Variants in ZNF541 observed in about 807,000 individuals in gnomAD.
The protein encoded by ZNF541 is zinc finger protein 541.
ZNF541 carries 23 observed loss-of-function variants against 123.5 expected under a neutral mutation model. That is an observed-to-expected ratio of 0.19 (90% CI 0.13 to 0.26). ZNF541 has a LOEUF of 0.26. Among genes scored for constraint, ZNF541 ranks in the 10% least tolerant of loss-of-function variants. The probability of loss-of-function intolerance (pLI) is 1.00; values close to 1 mark genes in which losing one functional copy is unlikely to be tolerated. For synonymous variants in ZNF541, 751 were observed against 754.5 expected (o/e 1.00, Z 0.08); for missense variants, 1,612 against 1,789.9 (o/e 0.90, Z 1.79).
rs530155102 is a variant in ZNF541 at position 47,553,405 on chromosome 19, A to G, written c.307+2145T>C. Among the ~76,000 whole-genome samples, 3 of 138,106 alleles carry G rather than the reference A, an allele frequency of 2.2e-5. No homozygotes were observed. The East Asian group carries it at 6.4e-4, about 29-fold the overall frequency. 90.6% of individuals were successfully genotyped at this position (138,106 alleles called of 152,430 possible). A position where few individuals can be genotyped will look rare whatever the true frequency, so the allele number is the denominator to read the frequency against. ...AGGCACCCACCACCATGCCAGGCTA[A>G]TTCTTTTTTTTTTTTTTTTTTTGAG... On this transcript the variant is annotated intron_variant, in intron 3 of 16. Coordinates refer to ENST00000391901, the MANE Select transcript of ZNF541 (RefSeq NM_001277075.3).
Position 47,545,910 on chromosome 19 carries a change from A to T in ZNF541, c.619T>A (p.Tyr207Asn), listed in dbSNP as rs1568503694. The change falls in exon 5 of 17, where the codon TAC (tyrosine) becomes AAC (asparagine). Residue 207 changes from tyrosine (Y) to asparagine (N), a missense_variant. By Grantham distance (143) the Tyr-to-Asn change is moderately radical. This residue lies in a region of ZNF541 where 212 missense variants were observed against 289.6 expected (regional missense o/e 0.73). Coordinates refer to ENST00000391901, the MANE Select transcript of ZNF541 (RefSeq NM_001277075.3). This position sits in a 1 kb window ranked among gnomAD's most constrained non-coding sequence, Gnocchi z 7.5. ...CGGCGCAGAGAGCGGTAGTCGCAGTAGCTCTTGCTGCAGCCCTGCTCGATG... is the reference window on the plus strand; with the variant it reads ...CGGCGCAGAGAGCGGTAGTCGCAGTTGCTCTTGCTGCAGCCCTGCTCGATG... ...VCIEQGCSKS[Y>N]CDYRSLRRHY... 1.9e-6 allele frequency: 3 copies of T among 1,544,048 alleles called. No homozygotes were observed. The highest frequency in any genetic ancestry group is 1.7e-4 in the Middle Eastern group (1 of 5,968).
intron 2 of ZNF541, among the ~76,000 whole-genome samples, chr19:47,564,541 T>C (rs1428685209): frequency 1.6e-4 from 24 of 152,194 alleles, no homozygotes; most frequent in Admixed American, 1.6e-3. Context: ...TTTTATCATT[T>C]TGTGTTTTCA....
chr19:47,531,162 A>G (rs1471727675), intron 12 of ZNF541, among the ~76,000 whole-genome samples: 1 of 137,778 alleles, frequency 7.3e-6, no homozygotes, highest in African/African-American at 2.5e-5. Flanking sequence ...AACACAGGCA[A>G]TGTGGCTCTT....
Position 47,565,715 on chromosome 19 carries a change from G to A in ZNF541, c.-99+6181C>T, listed in dbSNP as rs376457618. On this transcript the variant is annotated intron_variant, in intron 2 of 16. Coordinates refer to ENST00000391901, the MANE Select transcript of ZNF541 (RefSeq NM_001277075.3). ...CTCATTAAATTAAATCGGTTTGGTT[G>A]CTTTGTTTATATTTAATTTGCAAAT... is the stretch of plus-strand genomic sequence containing the variant. 2.3e-4 allele frequency among the ~76,000 whole-genome samples: 35 copies of A among 152,248 alleles called. No homozygotes were observed. In the East Asian group the frequency reaches 5.6e-3, roughly 24 times the overall value.
At position 47,555,965 on chromosome 19, in the gene ZNF541, A is replaced by G; in HGVS notation, c.-98-11T>C. The G allele has an allele frequency of 8.6e-7, 1 of 1,166,778 alleles. No homozygotes were observed. Among genetic ancestry groups the G allele is most frequent in the South Asian group, 1.6e-5 (1 of 61,316 alleles). The allele number at this position is 1,166,778 out of a possible 1,614,324, so 72.3% of individuals were successfully genotyped here. ...GATGGCAACTAATTCCTGAAAATGA[A>G]GCAAGAAGAATGAAAGTTATTAGGT... On this transcript the variant is annotated splice_polypyrimidine_tract_variant and intron_variant, in intron 2 of 16. Transcript: ENST00000391901.
rs930732096 is a variant in ZNF541, at chr19:47,544,796, G to C, written c.1733C>G (p.Ser578Cys). The C allele has an allele frequency of 3.3e-5, 50 of 1,527,662 alleles. No individual in the cohort carries two copies. The highest frequency in any genetic ancestry group is 4.4e-5 in the Non-Finnish European group (50 of 1,141,550). 94.6% of individuals were successfully genotyped at this position (1,527,662 alleles called of 1,614,324 possible). Residue 578 changes from serine to cysteine, a missense_variant, in exon 5 of 17, where the codon TCC becomes TGC. This residue lies in a region of ZNF541 where 1,080 missense variants were observed against 1,013.8 expected (regional missense o/e 1.07). Coordinates refer to ENST00000391901, the MANE Select transcript of ZNF541 (RefSeq NM_001277075.3). Reference protein sequence around the residue: ...FSHAQVAAVSSQLPAPEGKPA... With the variant: ...FSHAQVAAVSCQLPAPEGKPA... ...TTTGCCCTCGGGCGCAGGGAGCTGGGAGGAGACTGCTGCCACCTGGGCATG... is the reference window on the plus strand; with the variant it reads ...TTTGCCCTCGGGCGCAGGGAGCTGGCAGGAGACTGCTGCCACCTGGGCATG...
intron 2 of ZNF541, among the ~76,000 whole-genome samples, chr19:47,559,478 C>T (rs1970973704): frequency 6.6e-6 from 1 of 152,068 alleles, no homozygotes; most frequent in African/African-American, 2.4e-5. Flanking sequence ...CATAGAAACA[C>T]CAAAAACAAA....
In ZNF541 at chr19:47,533,783, G is replaced by A. The variant is rs111433775; in HGVS notation, c.3095-811C>T. 8.5e-5 allele frequency among the ~76,000 whole-genome samples: 13 copies of A among 152,260 alleles called. 1 individual carries two copies. Among genetic ancestry groups the A allele is most frequent in the African/African-American group, 2.4e-4 (10 of 41,560 alleles). ...TTGAACCTGGGAGGCAGAGTGAGCC[G>A]AGACTGTGCCACTGTGCTCCAGCCT... is the stretch of plus-strand genomic sequence containing the variant. On this transcript the variant is annotated intron_variant, in intron 9 of 16. Transcript: ENST00000391901.
Position 47,539,898 on chromosome 19 carries a change from G to C in ZNF541, c.2623-20C>G, listed in dbSNP as rs1483602865. 10 of 1,520,592 alleles carry C rather than the reference G, an allele frequency of 6.6e-6. No individual in the cohort carries two copies. The highest frequency in any genetic ancestry group is 1.7e-4 in the Middle Eastern group (1 of 5,922). 94.2% of individuals were successfully genotyped at this position (1,520,592 alleles called of 1,614,324 possible). The stretch of plus-strand genomic sequence containing the variant: ...AAACACCTAAACACAGAAGAGAAGA[G>C]ATGGCTCTTTAAGAGATAAGGTAGG... On this transcript the variant is annotated intron_variant, in intron 7 of 16. Transcript: ENST00000391901.
intron 2 of ZNF541, among the ~76,000 whole-genome samples, chr19:47,560,313 T>C (rs1455332210): frequency 1.3e-5 from 2 of 152,086 alleles, no homozygotes; most frequent in Admixed American, 6.6e-5. Flanking sequence ...TGGTGGCTCA[T>C]GCTTGTTATG....
chr19:47,549,541 C>T (rs1970510360), intron 3 of ZNF541, 56 bp from the exon 4 acceptor site: 1 of 1,545,176 alleles, frequency 6.5e-7, no homozygotes, highest in Admixed American at 2.0e-5. Flanking sequence ...AAGCGAAAAG[C>T]ACGACTAAGG....
chr19:47,525,193 G>A lies in ZNF541; in HGVS notation c.3571-3199C>T, dbSNP rs541507189. 8.6e-5 allele frequency among the ~76,000 whole-genome samples: 13 copies of A among 151,906 alleles called. 1 individual carries two copies. In the South Asian group the frequency reaches 1.0e-3, roughly 12 times the overall value. ...CCAGCTACTCGGGAGGCTGAGGTAC[G>A]AGAATCGCTTGAACCCGGGAGGTGG... On this transcript the variant is annotated intron_variant, in intron 14 of 16. Coordinates refer to ENST00000391901, the MANE Select transcript of ZNF541 (RefSeq NM_001277075.3).
In ZNF541 at chr19:47,521,056, G is replaced by C. The variant is rs1969000072; in HGVS notation, c.*168C>G. On this transcript the variant is annotated 3_prime_UTR_variant, in exon 17 of 17. Coordinates refer to ENST00000391901, the MANE Select transcript of ZNF541 (RefSeq NM_001277075.3). This position sits in a 1 kb window ranked among gnomAD's most constrained non-coding sequence, Gnocchi z 4.2. ...GACTGCATAGCTGTCCGACAACTGA[G>C]CTCCTCCTGCCTATCTGTGGCCAAA... 1.3e-6 allele frequency: 1 copy of C among 770,550 alleles called. No homozygotes were observed. The highest frequency in any genetic ancestry group is 1.8e-5 in the African/African-American group (1 of 57,032). The allele number at this position is 770,550 out of a possible 1,614,324, so 47.7% of individuals were successfully genotyped here.
chr19:47,544,219 A>C lies in ZNF541; in HGVS notation c.2310T>G (p.Ala770=). The C allele has an allele frequency of 6.4e-7, 1 of 1,551,576 alleles. No individual in the cohort carries two copies. Among genetic ancestry groups the C allele is most frequent in the African/African-American group, 1.4e-5 (1 of 73,158 alleles). Residue 770 remains alanine, a synonymous_variant, in exon 5 of 17, where the codon GCT becomes GCG. Transcript: ENST00000391901. ...AGGCCATGGCTACCTGGCTCGGAGA[A>C]GCCGCACAGCACATATCCATCTTCG... The part of the protein sequence containing the change: ...EKAKMDMCCA[A]SPSQVAMASF...
At chr19:47,549,516 A>G (rs373144705) in intron 3 of ZNF541, 31 bp from the exon 4 acceptor site, 6 of 1,549,620 alleles carry the variant, frequency 3.9e-6, no homozygotes, top group Middle Eastern at 1.7e-4. Flanking sequence ...CAGGTTATAC[A>G]CAGCCAAGGC....
rs777763555 is a variant in ZNF541 at position 47,544,172 on chromosome 19, G to A, written c.2357C>T (p.Pro786Leu). The change falls in exon 5 of 17, where the codon CCG (proline) becomes CTG (leucine). Residue 786 changes from proline to leucine, a missense_variant. Physicochemically the swap from Pro to Leu is moderately conservative, Grantham distance 98. This residue lies in a region of ZNF541 where 1,080 missense variants were observed against 1,013.8 expected (regional missense o/e 1.07). Coordinates refer to ENST00000391901, the MANE Select transcript of ZNF541 (RefSeq NM_001277075.3). ...CAGCTTGGACTTGGAGGGATCTGCC[G>A]GGGGCCCGGCCGATGAGAAGGAGGC... is the stretch of plus-strand genomic sequence containing the variant. ...AMASFSSAGP[P>L]ADPSKSKLTI... 28 of 1,551,452 alleles carry A rather than the reference G, an allele frequency of 1.8e-5. No individual in the cohort carries two copies. Among genetic ancestry groups the A allele is most frequent in the South Asian group, 1.8e-4 (15 of 84,056 alleles).
chr19:47,549,482 A>G lies in ZNF541; in HGVS notation c.311T>C (p.Leu104Pro). ...DSESQASLQDLGLGVLKAKEA... is the reference protein window; with the variant it reads ...DSESQASLQDPGLGVLKAKEA... ...TTTAGCCTTAAGCACACCTAGCCCC[A>G]GGTCTAAACAGAGGGAGAAAGCACA... is the stretch of plus-strand genomic sequence containing the variant. Residue 104 changes from leucine to proline, a missense_variant, in exon 4 of 17, where the codon CTG becomes CCG. Coordinates refer to ENST00000391901, the MANE Select transcript of ZNF541 (RefSeq NM_001277075.3). 1 of 1,551,786 alleles carries G rather than the reference A, an allele frequency of 6.4e-7. No homozygotes were observed. Among genetic ancestry groups the G allele is most frequent in the Non-Finnish European group, 8.7e-7 (1 of 1,147,032 alleles).
chr19:47,562,961 T>C (rs1971123397), intron 2 of ZNF541, among the ~76,000 whole-genome samples: 1 of 152,246 alleles, frequency 6.6e-6, no homozygotes, highest in South Asian at 2.1e-4. Flanking sequence ...AAATGCTTCA[T>C]GACTCACTGA....
intron 5 of ZNF541, 119 bp from the exon 6 acceptor site, chr19:47,541,070 T>A: frequency 2.1e-6 from 2 of 936,648 alleles, no homozygotes; most frequent in South Asian, 1.9e-5. Context: ...GATTAGACAG[T>A]GGTTTCTTAG....
Sources: allele counts gnomAD v4.1 joint callset (sites outside exome capture counted in the v4.1 genomes callset), GRCh38; gene constraint gnomAD v4.1.1; regional missense constraint gnomAD v4.1.1; non-coding constraint Gnocchi (gnomAD v3.1); transcripts MANE v1.5; gene names NCBI Gene and HGNC (gene_info 2026-07-23, HGNC 2026-07-21).